FGFR2: variants seen among roughly 807,000 people sequenced by gnomAD.
FGFR2 encodes BEK fibroblast growth factor receptor.
FGFR2 carries 19 observed loss-of-function variants against 95.9 expected under a neutral mutation model. That is an observed-to-expected ratio of 0.20 (90% CI 0.14 to 0.29). FGFR2 has a LOEUF of 0.29. Among genes scored for constraint, FGFR2 ranks in the 10% least tolerant of loss-of-function variants. The probability of loss-of-function intolerance (pLI) is 1.00; values close to 1 mark genes in which losing one functional copy is unlikely to be tolerated. For missense variants in FGFR2, 707 were observed against 1,056.9 expected, an observed-to-expected ratio of 0.67 and a Z score of 4.59; for synonymous variants, 392 against 393.3, an observed-to-expected ratio of 1.00 and a Z score of 0.04.
chr10:121,571,243 C>T (rs888802179), intron 2 of FGFR2, among the ~76,000 whole-genome samples: 1 of 150,278 alleles, frequency 6.7e-6, no homozygotes, highest in African/African-American at 2.5e-5. Context: ...GATACGCCCA[C>T]CTCAGCCTCC....
chr10:121,572,542 C>T (rs1858975924), intron 2 of FGFR2, among the ~76,000 whole-genome samples: 1 of 152,126 alleles, frequency 6.6e-6, no homozygotes, highest in African/African-American at 2.4e-5. Flanking sequence ...AATCGTTTAA[C>T]CCAGAAGGTG....
chr10:121,562,087 C>T (rs1589996464), intron 4 of FGFR2, among the ~76,000 whole-genome samples: 1 of 152,276 alleles, frequency 6.6e-6, no homozygotes, highest in Non-Finnish European at 1.5e-5. Flanking sequence ...GGTGGGAATA[C>T]AAAATGGTGC....
At chr10:121,513,169 C>A (rs913409549) in intron 9 of FGFR2, among the ~76,000 whole-genome samples, 1 of 152,182 alleles carries the variant, frequency 6.6e-6, no homozygotes, top group Non-Finnish European at 1.5e-5. Context: ...CCACCACGCC[C>A]GGCCAGGCTG....
intron 13 of FGFR2, among the ~76,000 whole-genome samples, chr10:121,488,693 C>T (rs3135801): frequency 0.013 from 1,904 of 152,180 alleles, 34 homozygotes; most frequent in African/African-American, 0.043. Context: ...TTTTGAAGAG[C>T]GAAGGTAGAC....
chr10:121,499,064 T>C (rs1162141630), intron 11 of FGFR2, among the ~76,000 whole-genome samples: 2 of 152,194 alleles, frequency 1.3e-5, no homozygotes, highest in East Asian at 3.8e-4. Context: ...CGAGGTGGGT[T>C]CAGACGGTTC....
chr10:121,484,000 C>T (rs1457042776), intron 16 of FGFR2, among the ~76,000 whole-genome samples, 197 bp from the exon 17 acceptor site: 1 of 151,988 alleles, frequency 6.6e-6, no homozygotes, highest in Non-Finnish European at 1.5e-5. Context: ...CTTTGACTTA[C>T]AAAAACATGT....
At chr10:121,514,685 A>T (rs1849457293) in intron 9 of FGFR2, among the ~76,000 whole-genome samples, 1 of 152,228 alleles carries the variant, frequency 6.6e-6, no homozygotes, top group Non-Finnish European at 1.5e-5. Context: ...AAAATAAGTC[A>T]GAGAACTTAG....
intron 6 of FGFR2, among the ~76,000 whole-genome samples, chr10:121,528,158 T>A (rs557777786): frequency 3.3e-5 from 5 of 152,214 alleles, no homozygotes; most frequent in African/African-American, 1.2e-4. Flanking sequence ...CAGCAACCAC[T>A]CCAAGTAAGT....
chr10:121,534,082 C>T (rs1250846850), intron 6 of FGFR2, among the ~76,000 whole-genome samples: 1 of 149,128 alleles, frequency 6.7e-6, no homozygotes, highest in African/African-American at 2.5e-5. Flanking sequence ...TCTGTAGGTC[C>T]CAAAATGGCT....
intron 2 of FGFR2, 27 bp from the exon 3 acceptor site, chr10:121,565,731 G>A (rs776072029): frequency 2.5e-5 from 41 of 1,613,846 alleles, no homozygotes; most frequent in East Asian, 4.5e-5. Flanking sequence ...GAGAGAAGAC[G>A]GAGACAGATG....
chr10:121,590,061 G>A (rs1246874232), intron 2 of FGFR2, among the ~76,000 whole-genome samples: 2 of 140,024 alleles, frequency 1.4e-5, no homozygotes, highest in Non-Finnish European at 3.2e-5. Context: ...TCCTGTCCTC[G>A]ACGTTTCTGC....
intron 13 of FGFR2, 127 bp from the exon 14 acceptor site, chr10:121,488,240 A>G: frequency 8.0e-7 from 1 of 1,243,718 alleles, no homozygotes; most frequent in Non-Finnish European, 1.1e-6. Context: ...GTTGCGGTAT[A>G]CTATAAGAAA....
chr10:121,503,702 C>T (rs2134049466), intron 10 of FGFR2, 88 bp downstream of exon 10: 1 of 1,463,296 alleles, frequency 6.8e-7, no homozygotes. Context: ...ACCTTTGTGG[C>T]TAAGGGTCAT....
At chr10:121,542,211 C>G (rs555422285) in intron 5 of FGFR2, among the ~76,000 whole-genome samples, 1 of 152,038 alleles carries the variant, frequency 6.6e-6, no homozygotes, top group South Asian at 2.1e-4. Context: ...ATTTACCACC[C>G]TAAAGATGCA....
intron 2 of FGFR2, among the ~76,000 whole-genome samples, chr10:121,580,579 C>T (rs1248340682): frequency 6.6e-6 from 1 of 152,122 alleles, no homozygotes; most frequent in Non-Finnish European, 1.5e-5. Context: ...ACACTGCCTT[C>T]GGGTGGGCGG....
chr10:121,524,190 C>A (rs2912767), intron 6 of FGFR2, among the ~76,000 whole-genome samples: 135,731 of 151,120 alleles, frequency 0.9, 62,809 homozygotes, highest in East Asian at 1. Flanking sequence ...TTGCAAATTA[C>A]AGCATACCAA....
Position 121,485,668 on chromosome 10 carries a change from G to A in FGFR2, c.2058-136C>T. ...TGGGCCCTCCTGCAGTTCCTCCTATGTGCTCTTTCCTGCCCTGCAAGAGCA... is the reference window on the plus strand; with the variant it reads ...TGGGCCCTCCTGCAGTTCCTCCTATATGCTCTTTCCTGCCCTGCAAGAGCA... On this transcript the variant is annotated intron_variant, in intron 15 of 17. Coordinates refer to ENST00000358487, the MANE Select transcript of FGFR2 (RefSeq NM_000141.5). This position sits in a 1 kb window ranked among gnomAD's most constrained non-coding sequence, Gnocchi z 4.2. 8.9e-7 allele frequency: 1 copy of A among 1,123,124 alleles called. No individual in the cohort carries two copies. The highest frequency in any genetic ancestry group is 1.3e-5 in the South Asian group (1 of 74,992). The allele number at this position is 1,123,124 out of a possible 1,614,324, so 69.6% of individuals were successfully genotyped here. A position where few individuals can be genotyped will look rare whatever the true frequency, so the allele number is the denominator to read the frequency against.
intron 9 of FGFR2, among the ~76,000 whole-genome samples, chr10:121,506,200 TA>T (rs978848491): frequency 6.6e-6 from 1 of 150,676 alleles, no homozygotes. Context: ...CTACTAAAAA[TA>T]AAAAAAATGA....
At chr10:121,494,777 C>T (rs1846559569) in intron 13 of FGFR2, among the ~76,000 whole-genome samples, 1 of 152,182 alleles carries the variant, frequency 6.6e-6, no homozygotes, top group Non-Finnish European at 1.5e-5. Flanking sequence ...GAGCTGCAGG[C>T]ATCACTGATA....
Sources: gnomAD v4.1 joint callset for allele counts (sites outside exome capture counted in the v4.1 genomes callset) on GRCh38, gnomAD v4.1.1 for gene constraint, Gnocchi (gnomAD v3.1) non-coding constraint, MANE v1.5 for transcripts, NCBI Gene and HGNC (gene_info 2026-07-23, HGNC 2026-07-21) for gene names.